ZBTB40: variants seen among roughly 807,000 people sequenced by gnomAD.
ZBTB40 encodes the protein zinc finger and BTB domain containing 40, also known as zinc finger and BTB domain-containing protein 40.
A neutral mutation model predicts 117.5 loss-of-function variants in ZBTB40; 60 were observed. That is an observed-to-expected ratio of 0.51 (90% CI 0.41 to 0.63). ZBTB40 has a LOEUF of 0.63. Ranked by LOEUF, ZBTB40 falls within the 30% of genes least tolerant of loss-of-function variation. ZBTB40 has a pLI of 0.00. For missense variants in ZBTB40, 1,287 were observed against 1,498.5 expected, an observed-to-expected ratio of 0.86 and a Z score of 2.33; for synonymous variants, 525 against 577.1, an observed-to-expected ratio of 0.91 and a Z score of 1.29.
At chr1:22,518,711 A>G (rs1214201964) in intron 13 of ZBTB40, among the ~76,000 whole-genome samples, 1 of 152,142 alleles carries the variant, frequency 6.6e-6, no homozygotes, top group Non-Finnish European at 1.5e-5. Context: ...ATGCAGGGGG[A>G]AAATAAAGTG....
At chr1:22,488,493 C>T (rs1638535335) in intron 1 of ZBTB40, among the ~76,000 whole-genome samples, 1 of 152,110 alleles carries the variant, frequency 6.6e-6, no homozygotes, top group Admixed American at 6.6e-5. Context: ...GCCAGCCAGC[C>T]AGGCACAGAT....
chr1:22,435,517 T>C (rs954390742), intron 1 of ZBTB40, among the ~76,000 whole-genome samples: 2 of 152,188 alleles, frequency 1.3e-5, no homozygotes, highest in African/African-American at 4.8e-5. Context: ...TAGGGCTTTC[T>C]AGTTATATAA....
intron 13 of ZBTB40, chr1:22,519,778 C>A: frequency 2.4e-5 from 11 of 467,134 alleles, no homozygotes; most frequent in East Asian, 4.2e-5. Context: ...TGTAATTTAA[C>A]TTGAAAGATG....
chr1:22,495,402 T>C (rs1037314136), intron 3 of ZBTB40, among the ~76,000 whole-genome samples: 9 of 152,222 alleles, frequency 5.9e-5, no homozygotes, highest in Non-Finnish European at 1.3e-4. Flanking sequence ...AAGCAAGTAG[T>C]GACCTAAGAG....
intron 13 of ZBTB40, among the ~76,000 whole-genome samples, chr1:22,519,077 G>A (rs1639452060): frequency 6.6e-6 from 1 of 152,180 alleles, no homozygotes; most frequent in African/African-American, 2.4e-5. Context: ...TTAGAAGATG[G>A]TGTAAAACTG....
At chr1:22,446,486 A>G (rs1349530462) in intron 1 of ZBTB40, among the ~76,000 whole-genome samples, 1 of 152,104 alleles carries the variant, frequency 6.6e-6, no homozygotes, top group Non-Finnish European at 1.5e-5. Context: ...TTCAAAGTTT[A>G]GAAAAACCAA....
Position 22,490,609 on chromosome 1 carries a change from A to G in ZBTB40, c.661A>G (p.Thr221Ala). ...TTGTTCCCCCTCCCCTGCTGTGCAAACCTTTAGTGAGGCAAAGAAGACAAG... is the reference window on the plus strand; with the variant it reads ...TTGTTCCCCCTCCCCTGCTGTGCAAGCCTTTAGTGAGGCAAAGAAGACAAG... ...EACSPSPAVQ[T>A]FSEAKKTSTE... Residue 221 changes from threonine (T) to alanine (A), a missense_variant, in exon 2 of 18, where the codon ACC (threonine) becomes GCC (alanine). Around this residue, in one of 2 missense-constraint regions of ZBTB40, gnomAD observed 870 missense variants for 934.4 expected, o/e 0.93. Coordinates refer to ENST00000375647, the MANE Select transcript of ZBTB40 (RefSeq NM_014870.4). The G allele has an allele frequency of 6.2e-7, 1 of 1,613,866 alleles. No homozygotes were observed. The highest frequency in any genetic ancestry group is 8.5e-7 in the Non-Finnish European group (1 of 1,180,010).
chr1:22,521,262 T>C (rs778959795), intron 14 of ZBTB40, among the ~76,000 whole-genome samples: 1 of 152,204 alleles, frequency 6.6e-6, no homozygotes, highest in Non-Finnish European at 1.5e-5. Flanking sequence ...AATGGGCATG[T>C]GAAGGACTCC....
rs369096143 is a variant in ZBTB40, at chr1:22,490,400, C to G, written c.452C>G (p.Ser151Cys). The stretch of plus-strand genomic sequence containing the variant: ...AAGCCTCAAGTAGAAATCCTTTCAT[C>G]TGAAGGTGCTGGAGAGCCTCATTCT... ...PEKPQVEILS[S>C]EGAGEPHSSP... is the part of the protein sequence containing the mutation. Residue 151 changes from serine to cysteine, a missense_variant, in exon 2 of 18, where the codon TCT becomes TGT. Physicochemically the swap from Ser to Cys is moderately radical, Grantham distance 112. This residue lies in a region of ZBTB40 where 870 missense variants were observed against 934.4 expected (regional missense o/e 0.93). Transcript: ENST00000375647. 6.2e-7 allele frequency: 1 copy of G among 1,613,180 alleles called. No individual in the cohort carries two copies. The highest frequency in any genetic ancestry group is 1.3e-5 in the African/African-American group (1 of 74,840).
chr1:22,496,725 C>T lies in ZBTB40; in HGVS notation c.832-4767C>T, dbSNP rs975601830. Among the ~76,000 whole-genome samples the T allele has an allele frequency of 5.3e-5, 8 of 152,334 alleles. No individual in the cohort carries two copies. The South Asian group carries it at 1.7e-3, about 32-fold the overall frequency. On this transcript the variant is annotated intron_variant, in intron 3 of 17. Transcript: ENST00000375647. ...TTCTCCCTGTCTCTCAGCAATGCTT[C>T]CTCTCTGTGGCTTCCACTTTCAGAA... is the stretch of plus-strand genomic sequence containing the variant.
Position 22,526,534 on chromosome 1 carries a change from A to G in ZBTB40, c.*138A>G. ...CACCAACCAACACAGTCTCACCTAG[A>G]AAACAGATGGAAGCTTCGTTGTTCT... On this transcript the variant is annotated 3_prime_UTR_variant, in exon 18 of 18. Transcript: ENST00000375647. 4 of 1,106,180 alleles carry G rather than the reference A, an allele frequency of 3.6e-6. No individual in the cohort carries two copies. Among genetic ancestry groups the G allele is most frequent in the Non-Finnish European group, 5.3e-6 (4 of 750,508 alleles). The allele number at this position is 1,106,180 out of a possible 1,614,324, so 68.5% of individuals were successfully genotyped here.
chr1:22,502,224 T>C, intron 4 of ZBTB40, 75 bp from the exon 5 acceptor site: 1 of 1,539,176 alleles, frequency 6.5e-7, no homozygotes, highest in Non-Finnish European at 8.8e-7. Flanking sequence ...GTTAGATCTC[T>C]CTTGACAAAC....
intron 16 of ZBTB40, 25 bp downstream of exon 16, chr1:22,522,488 C>T (rs491604): frequency 6.2e-7 from 1 of 1,611,240 alleles, no homozygotes; most frequent in South Asian, 1.1e-5. Context: ...CAGCATACTT[C>T]TAGGCTAGAC....
chr1:22,487,738 G>C (rs1411899809), intron 1 of ZBTB40, among the ~76,000 whole-genome samples: 1 of 151,986 alleles, frequency 6.6e-6, no homozygotes, highest in African/African-American at 2.4e-5. Context: ...TGTTACTTAG[G>C]TGGTATATTT....
At chr1:22,454,901 A>G (rs1391090594) in intron 1 of ZBTB40, among the ~76,000 whole-genome samples, 1 of 152,386 alleles carries the variant, frequency 6.6e-6, no homozygotes, top group East Asian at 1.9e-4. Context: ...AACTTTATAA[A>G]GTGCTAACTA....
intron 1 of ZBTB40, among the ~76,000 whole-genome samples, chr1:22,443,606 G>C (rs1221572347): frequency 6.6e-6 from 1 of 152,210 alleles, no homozygotes; most frequent in African/African-American, 2.4e-5. Context: ...TCTCTTTTCG[G>C]ATCTTAAAAG....
chr1:22,437,424 CTT>C (rs755956667), intron 1 of ZBTB40, among the ~76,000 whole-genome samples: 10 of 141,216 alleles, frequency 7.1e-5, no homozygotes, highest in Admixed American at 1.4e-4. Context: ...AACTTATCAT[CTT>C]TTTTTTTTTT....
At chr1:22,517,584 C>A in intron 13 of ZBTB40, 120 bp downstream of exon 13, 1 of 1,231,544 alleles carries the variant, frequency 8.1e-7, no homozygotes. Context: ...TTCCCCTTAC[C>A]TGTTCCGCTG....
At chr1:22,494,602 A>G (rs1233032779) in intron 3 of ZBTB40, among the ~76,000 whole-genome samples, 2 of 152,196 alleles carry the variant, frequency 1.3e-5, no homozygotes, top group African/African-American at 4.8e-5. Flanking sequence ...ATGGCTTACA[A>G]AACTCTTAGT....
Sources: allele counts gnomAD v4.1 joint callset (sites outside exome capture counted in the v4.1 genomes callset), GRCh38; gene constraint gnomAD v4.1.1; regional missense constraint gnomAD v4.1.1; transcripts MANE v1.5; gene names NCBI Gene and HGNC (gene_info 2026-07-23, HGNC 2026-07-21).